The following ACYP2 variants were observed in gnomAD, a reference collection of about 807,000 sequenced individuals.
ACYP2 encodes the protein acylphosphatase 2.
Under a neutral mutation model 11.2 loss-of-function variants are expected in ACYP2, and 12 were observed. The observed-to-expected ratio is 1.08, with a 90% confidence interval of 0.69 to 1.74. ACYP2 has a LOEUF of 1.74. ACYP2 is among the 40% of genes most tolerant of loss of function. The pLI is 0.00. For missense variants in ACYP2, 134 were observed against 101.9 expected (o/e 1.31, Z -1.35); for synonymous variants, 43 against 32.2 (o/e 1.33, Z -1.13).
chr2:54,094,978 A>G (rs1461034883), intron 4 of ACYP2, among the ~76,000 whole-genome samples: 1 of 151,596 alleles, frequency 6.6e-6, no homozygotes, highest in East Asian at 1.9e-4. Context: ...AGGGAAGGTC[A>G]GCAGATAAAC....
intron 6 of ACYP2, among the ~76,000 whole-genome samples, chr2:54,258,103 C>A (rs1322350620): frequency 6.6e-6 from 1 of 152,176 alleles, no homozygotes. Flanking sequence ...GATTTCTTCC[C>A]TCTTGGGGTT....
intron 4 of ACYP2, among the ~76,000 whole-genome samples, chr2:54,112,082 G>A (rs1216664309): frequency 6.6e-6 from 1 of 152,084 alleles, no homozygotes; most frequent in African/African-American, 2.4e-5. Flanking sequence ...ATACACACAT[G>A]TAAATGTGTA....
At chr2:54,268,413 C>T (rs1287402556) in intron 6 of ACYP2, among the ~76,000 whole-genome samples, 2 of 152,050 alleles carry the variant, frequency 1.3e-5, no homozygotes, top group African/African-American at 2.4e-5. Flanking sequence ...TATTCCATTC[C>T]ATATTCAAGG....
At chr2:53,983,392 G>T (rs1671862861) in intron 2 of ACYP2, among the ~76,000 whole-genome samples, 1 of 152,114 alleles carries the variant, frequency 6.6e-6, no homozygotes. Context: ...TGTAGTCCGA[G>T]CTACTTGGGA....
chr2:54,281,846 T>C (rs781713173), intron 6 of ACYP2, among the ~76,000 whole-genome samples: 11 of 152,224 alleles, frequency 7.2e-5, no homozygotes, highest in Non-Finnish European at 1.2e-4. Flanking sequence ...ACAAATTCAA[T>C]TTGTTTGAAC....
intron 6 of ACYP2, among the ~76,000 whole-genome samples, chr2:54,185,002 C>T (rs147484321): frequency 2.0e-5 from 3 of 151,988 alleles, no homozygotes; most frequent in South Asian, 2.1e-4. Context: ...CCCACCACCA[C>T]GCCTGGCTTA....
intron 6 of ACYP2, among the ~76,000 whole-genome samples, chr2:54,146,439 A>G (rs965671708): frequency 3.6e-5 from 5 of 140,614 alleles, no homozygotes; most frequent in Admixed American, 2.8e-4. Context: ...CTGATCCTCT[A>G]TTTTTTTTTT....
At chr2:54,110,057 T>C (rs1679379275) in intron 4 of ACYP2, among the ~76,000 whole-genome samples, 2 of 152,204 alleles carry the variant, frequency 1.3e-5, no homozygotes, top group Admixed American at 6.5e-5. Flanking sequence ...CTTGACAGTT[T>C]TGAGGATTAC....
At chr2:54,135,961 G>C (rs897715035) in intron 5 of ACYP2, among the ~76,000 whole-genome samples, 1 of 152,186 alleles carries the variant, frequency 6.6e-6, no homozygotes, top group South Asian at 2.1e-4. Context: ...ACAGTGGTGC[G>C]ATCTCAGCTC....
chr2:54,242,312 G>A (rs1354407150), intron 6 of ACYP2, among the ~76,000 whole-genome samples: 3 of 152,204 alleles, frequency 2.0e-5, no homozygotes, highest in South Asian at 4.1e-4. Flanking sequence ...TGAGAATTAA[G>A]TAATCCTGAG....
At chr2:54,255,107 T>G (rs1687428673) in intron 6 of ACYP2, 2 of 1,614,006 alleles carry the variant, frequency 1.2e-6, no homozygotes, top group Admixed American at 3.3e-5. Flanking sequence ...GTGAAGAAGC[T>G]GCAGATGACA....
chr2:54,275,738 A>C (rs1175684583), intron 6 of ACYP2, among the ~76,000 whole-genome samples: 1 of 152,208 alleles, frequency 6.6e-6, no homozygotes, highest in Non-Finnish European at 1.5e-5. Context: ...TAACATATTA[A>C]GTGAATTACA....
intron 6 of ACYP2, among the ~76,000 whole-genome samples, chr2:54,169,170 T>A (rs1683127291): frequency 1.3e-5 from 2 of 152,200 alleles, no homozygotes; most frequent in African/African-American, 4.8e-5. Flanking sequence ...TTCTGATGAC[T>A]CCAGTAGATA....
intron 6 of ACYP2, among the ~76,000 whole-genome samples, chr2:54,284,588 T>C (rs1456026733): frequency 6.6e-6 from 1 of 151,868 alleles, no homozygotes; most frequent in Non-Finnish European, 1.5e-5. Context: ...ATCATCACCT[T>C]TTTTTTTATC....
intron 6 of ACYP2, among the ~76,000 whole-genome samples, chr2:54,236,745 C>G (rs1686495212): frequency 6.6e-6 from 1 of 152,076 alleles, no homozygotes; most frequent in Non-Finnish European, 1.5e-5. Flanking sequence ...TATAAATTAT[C>G]TGATATACCT....
At chr2:54,159,760 G>A (rs950525442) in intron 6 of ACYP2, among the ~76,000 whole-genome samples, 8 of 151,980 alleles carry the variant, frequency 5.3e-5, no homozygotes, top group Non-Finnish European at 1.2e-4. Context: ...TCCTGCCTTG[G>A]GGAACAGGAC....
At chr2:54,219,905 A>ATATATATATTTTTT (rs1288814375) in intron 6 of ACYP2, among the ~76,000 whole-genome samples, 26 of 75,962 alleles carry the variant, frequency 3.4e-4, no homozygotes, top group Non-Finnish European at 5.1e-4. Flanking sequence ...ATATATATAT[A>ATATATATATTTTTT]TTTTTTTTTT....
intron 2 of ACYP2, among the ~76,000 whole-genome samples, chr2:54,037,941 T>C (rs1300458604): frequency 6.6e-6 from 1 of 152,236 alleles, no homozygotes; most frequent in African/African-American, 2.4e-5. Context: ...CTTTTCACTG[T>C]GTGCATCATG....
rs141209640 is a variant in ACYP2, at chr2:54,197,942, A to ATATTGTATTG, written c.404+59279_404+59288dup. 3.2e-3 allele frequency among the ~76,000 whole-genome samples: 224 copies of ATATTGTATTG among 69,500 alleles called. 15 individuals carry two copies. Among genetic ancestry groups the ATATTGTATTG allele is most frequent in the East Asian group, 0.013 (26 of 2,030 alleles). The allele number at this position is 69,500 out of a possible 152,430, so 45.6% of individuals were successfully genotyped here. A position where few individuals can be genotyped will look rare whatever the true frequency, so the allele number is the denominator to read the frequency against. ...ATTTTATTTTATTTATGTATGTATT[A>ATATTGTATTG]TATTGTATTGTATTGTATTGTATTG... On this transcript the variant is annotated intron_variant, in intron 6 of 6. Transcript: ENST00000607452.
Sources: allele counts gnomAD v4.1 joint callset (sites outside exome capture counted in the v4.1 genomes callset), GRCh38; gene constraint gnomAD v4.1.1; transcripts MANE v1.5; gene names NCBI Gene and HGNC (gene_info 2026-07-23, HGNC 2026-07-21).